ZNF254: variants seen among roughly 807,000 people sequenced by gnomAD.
ZNF254 encodes the protein zinc finger protein 254.
In ZNF254, 10 loss-of-function variants were observed where a neutral mutation model predicts 12.4. The ratio of observed to expected loss-of-function variants is 0.80; its 90% CI spans 0.50 to 1.36. The LOEUF (loss-of-function observed/expected upper bound fraction) is 1.36. ZNF254 is among the 40% of genes most tolerant of loss of function. The probability of loss-of-function intolerance (pLI) is 0.00; values close to 1 mark genes in which losing one functional copy is unlikely to be tolerated. For synonymous variants in ZNF254, 305 were observed against 253.4 expected (o/e 1.20, Z -1.93); for missense variants, 996 against 763.9 (o/e 1.30, Z -3.58).
intron 2 of ZNF254, among the ~76,000 whole-genome samples, chr19:24,068,118 A>G (rs1971345268): frequency 6.6e-6 from 1 of 152,212 alleles, no homozygotes; most frequent in African/African-American, 2.4e-5. Flanking sequence ...TTTGGCATCC[A>G]TCACCTAAGA....
At chr19:24,067,622 G>C (rs1971324220) in intron 2 of ZNF254, among the ~76,000 whole-genome samples, 1 of 152,056 alleles carries the variant, frequency 6.6e-6, no homozygotes, top group Non-Finnish European at 1.5e-5. Flanking sequence ...TAGGTGATGT[G>C]ACTTTTCTTT....
chr19:24,068,775 G>C (rs1971371109), intron 2 of ZNF254, among the ~76,000 whole-genome samples: 1 of 152,104 alleles, frequency 6.6e-6, no homozygotes. Flanking sequence ...AGTGTCATTG[G>C]GACATATATC....
At chr19:24,096,902 A>G (rs980205383) in intron 1 of ZNF254, among the ~76,000 whole-genome samples, 58 of 152,214 alleles carry the variant, frequency 3.8e-4, no homozygotes, top group African/African-American at 1.4e-3. Context: ...ACGTGTGCAC[A>G]CAGTGTGCAA....
rs924871152 is a variant in ZNF254, at chr19:24,128,268, A to G, written c.*288A>G. On this transcript the variant is annotated 3_prime_UTR_variant, in exon 4 of 4. Transcript: ENST00000357002. ...CTCACACCCTATTGCACAGGAAAGC[A>G]TTTATACTTGAGAAGAAATGTACAA... is the stretch of plus-strand genomic sequence containing the variant. 9.5e-6 allele frequency: 3 copies of G among 314,524 alleles called. No individual in the cohort carries two copies. Among genetic ancestry groups the G allele is most frequent in the Non-Finnish European group, 1.2e-5 (2 of 173,384 alleles). 19.5% of individuals were successfully genotyped at this position (314,524 alleles called of 1,614,324 possible).
chr19:24,087,724 T>C (rs1286759243), intron 1 of ZNF254, among the ~76,000 whole-genome samples: 1 of 152,130 alleles, frequency 6.6e-6, no homozygotes, highest in Non-Finnish European at 1.5e-5. Context: ...TAAAAATTTA[T>C]GGGCGTCACT....
chr19:24,065,578 GT>G (rs1421769134), intron 2 of ZNF254: 2 of 152,166 alleles, frequency 1.3e-5, no homozygotes, highest in Non-Finnish European at 2.9e-5. Flanking sequence ...ATTCCTGTGG[GT>G]GTGATTGTTA....
rs572694482 is a variant in ZNF254 at position 24,106,807 on chromosome 19, T to A, written c.253+164T>A. On this transcript the variant is annotated intron_variant, in intron 3 of 3. Transcript: ENST00000357002. Reference sequence around the variant, plus strand: ...ACTCTCACATAGGGGCATCTTCTGCTTATGCCTATAAAATCTAAGAATTCT... The same window carrying A: ...ACTCTCACATAGGGGCATCTTCTGCATATGCCTATAAAATCTAAGAATTCT... 4 of 470,184 alleles carry A rather than the reference T, an allele frequency of 8.5e-6. No individual in the cohort carries two copies. In the South Asian group the frequency reaches 1.1e-4, roughly 13 times the overall value. 29.1% of individuals were successfully genotyped at this position (470,184 alleles called of 1,614,324 possible). A position where few individuals can be genotyped will look rare whatever the true frequency, so the allele number is the denominator to read the frequency against.
chr19:24,053,470 A>G (rs1180320140), intron 2 of ZNF254, among the ~76,000 whole-genome samples: 2 of 151,724 alleles, frequency 1.3e-5, no homozygotes, highest in African/African-American at 4.8e-5. Flanking sequence ...GGATTGTGCC[A>G]TATTTCTGGA....
At chr19:24,078,284 C>T (rs557201454) in intron 2 of ZNF254, among the ~76,000 whole-genome samples, 1 of 152,296 alleles carries the variant, frequency 6.6e-6, no homozygotes, top group East Asian at 1.9e-4. Flanking sequence ...CTGATTTGCC[C>T]ACTTCGGCCT....
At chr19:24,052,411 T>C (rs2145321277) in intron 2 of ZNF254, among the ~76,000 whole-genome samples, 1 of 152,350 alleles carries the variant, frequency 6.6e-6, no homozygotes, top group South Asian at 2.1e-4. Flanking sequence ...CGGAGGCTTC[T>C]GCCTGAGCCC....
chr19:24,041,621 C>G (rs1052673496), intron 1 of ZNF254, among the ~76,000 whole-genome samples: 7 of 152,252 alleles, frequency 4.6e-5, no homozygotes, highest in African/African-American at 1.7e-4. Flanking sequence ...TCCTGTGCGG[C>G]CCGAGCCTCC....
chr19:24,083,885 G>T (rs1971935389), upstream of ZNF254, among the ~76,000 whole-genome samples: 1 of 152,052 alleles, frequency 6.6e-6, no homozygotes, highest in Admixed American at 6.6e-5. Flanking sequence ...TACATTGCTG[G>T]TGGGAATGTA....
chr19:24,041,249 G>A (rs1457189855), intron 1 of ZNF254, among the ~76,000 whole-genome samples: 2 of 152,250 alleles, frequency 1.3e-5, no homozygotes, highest in Admixed American at 1.3e-4. Flanking sequence ...CACTGCACTT[G>A]GGAGCCCCTT....
Position 24,120,721 on chromosome 19 carries a change from G to A in ZNF254, c.254-5533G>A, listed in dbSNP as rs532348395. On this transcript the variant is annotated intron_variant, in intron 3 of 3. Transcript: ENST00000357002. The stretch of plus-strand genomic sequence containing the variant: ...TCTGTCACCCAGGCTGGAGTGCAGC[G>A]GGACAATCTCAGCTCCCTGCAAGCT... 6.2e-4 allele frequency among the ~76,000 whole-genome samples: 94 copies of A among 152,102 alleles called. 4 individuals are homozygous for A. The South Asian group carries it at 0.019, about 31-fold the overall frequency.
intron 2 of ZNF254, among the ~76,000 whole-genome samples, chr19:24,061,588 T>A (rs1971068601): frequency 6.6e-6 from 1 of 152,218 alleles, no homozygotes; most frequent in African/African-American, 2.4e-5. Flanking sequence ...GTGACTCTCC[T>A]GCCTTTTCAC....
intron 2 of ZNF254, among the ~76,000 whole-genome samples, chr19:24,065,064 A>G (rs1971221013): frequency 6.6e-6 from 1 of 152,136 alleles, no homozygotes; most frequent in African/African-American, 2.4e-5. Flanking sequence ...GGTTATTGTG[A>G]CATATCACTG....
At chr19:24,057,454 A>T (rs1024260994) in intron 2 of ZNF254, among the ~76,000 whole-genome samples, 1 of 152,244 alleles carries the variant, frequency 6.6e-6, no homozygotes, top group Admixed American at 6.5e-5. Flanking sequence ...TTATGGGTCG[A>T]TACCATTACA....
chr19:24,113,068 T>G (rs1454815422), intron 3 of ZNF254, among the ~76,000 whole-genome samples: 2 of 152,090 alleles, frequency 1.3e-5, no homozygotes, highest in African/African-American at 4.8e-5. Flanking sequence ...GAGTCCTGGA[T>G]CAGATGGATT....
chr19:24,054,057 CA>C (rs1321706640), intron 2 of ZNF254, among the ~76,000 whole-genome samples: 3 of 152,114 alleles, frequency 2.0e-5, no homozygotes, highest in African/African-American at 7.2e-5. Flanking sequence ...AATATTGTGA[CA>C]TATCCCTGGA....
Sources: allele counts gnomAD v4.1 joint callset (sites outside exome capture counted in the v4.1 genomes callset), GRCh38; gene constraint gnomAD v4.1.1; transcripts MANE v1.5; gene names NCBI Gene and HGNC (gene_info 2026-07-23, HGNC 2026-07-21).